SOX6: variants seen among roughly 807,000 people sequenced by gnomAD.
SOX6 encodes the protein transcription factor SOX-6.
A neutral mutation model predicts 97.8 loss-of-function variants in SOX6; 11 were observed. The observed-to-expected ratio is 0.11, with a 90% CI of 0.07 to 0.19. The LOEUF (loss-of-function observed/expected upper bound fraction) is 0.19. SOX6 is among the 10% of genes least tolerant of loss of function. The pLI is 1.00. For missense variants in SOX6, 810 were observed against 1,039.5 expected, an observed-to-expected ratio of 0.78 and a Z score of 3.04; for synonymous variants, 360 against 371.4, an observed-to-expected ratio of 0.97 and a Z score of 0.35.
chr11:16,018,401 AGAGAGAATGAATTTGGGGT>A (rs2133866944), intron 12 of SOX6, among the ~76,000 whole-genome samples: 1 of 152,150 alleles, frequency 6.6e-6, no homozygotes, highest in Admixed American at 6.6e-5. Context: ...ATGGGTGGAG[AGAGAGAATGAATTTGGGGT>A]AACTAAAAGA....
chr11:16,464,076 T>G (rs1371947896), intron 1 of SOX6, among the ~76,000 whole-genome samples: 1 of 152,136 alleles, frequency 6.6e-6, no homozygotes, highest in African/African-American at 2.4e-5. Flanking sequence ...TTCTAAAAAA[T>G]TTAAAATTCT....
chr11:16,649,976 G>A (rs1847623048), intron 3 of SOX6, among the ~76,000 whole-genome samples: 1 of 152,106 alleles, frequency 6.6e-6, no homozygotes, highest in South Asian at 2.1e-4. Flanking sequence ...AAGTGAGCAA[G>A]AGTAGCTACT....
At chr11:16,141,111 CA>C (rs763775070) in intron 6 of SOX6, among the ~76,000 whole-genome samples, 3,479 of 127,494 alleles carry the variant, frequency 0.027, 102 homozygotes, top group African/African-American at 0.082. Context: ...GACTTCACCT[CA>C]AAAAAAAAAA....
intron 4 of SOX6, among the ~76,000 whole-genome samples, chr11:16,188,130 G>A (rs1053566072): frequency 6.6e-6 from 1 of 150,896 alleles, no homozygotes; most frequent in African/African-American, 2.4e-5. Context: ...ATGCAGGCTA[G>A]CACTTGTTAG....
intron 6 of SOX6, among the ~76,000 whole-genome samples, chr11:16,123,671 G>A (rs749861275): frequency 9.2e-5 from 14 of 151,876 alleles, no homozygotes; most frequent in Non-Finnish European, 1.6e-4. Flanking sequence ...CTCCCAGCAT[G>A]TGCATTACAC....
intron 1 of SOX6, among the ~76,000 whole-genome samples, chr11:16,368,251 T>C (rs565389318): frequency 1.3e-5 from 2 of 152,248 alleles, no homozygotes; most frequent in East Asian, 3.9e-4. Context: ...AATATCTAGA[T>C]TTATTAAAAT....
chr11:16,527,634 G>A (rs1408730736), intron 4 of SOX6, among the ~76,000 whole-genome samples: 1 of 152,140 alleles, frequency 6.6e-6, no homozygotes, highest in East Asian at 1.9e-4. Context: ...CAGAATATGA[G>A]AAGATGTAAC....
At chr11:16,665,463 G>A (rs1337574218) in intron 3 of SOX6, among the ~76,000 whole-genome samples, 1 of 152,182 alleles carries the variant, frequency 6.6e-6, no homozygotes, top group African/African-American at 2.4e-5. Flanking sequence ...TGTGGACTAA[G>A]GGGGGAAAAC....
intron 3 of SOX6, among the ~76,000 whole-genome samples, chr11:16,245,097 A>G (rs1331610751): frequency 6.6e-6 from 1 of 151,834 alleles, no homozygotes; most frequent in Non-Finnish European, 1.5e-5. Flanking sequence ...TCTAAGTATT[A>G]CTTTAGCTGC....
chr11:16,167,399 T>A (rs1234172265), intron 6 of SOX6, among the ~76,000 whole-genome samples: 1 of 152,116 alleles, frequency 6.6e-6, no homozygotes, highest in Non-Finnish European at 1.5e-5. Flanking sequence ...GTCTCCCTCC[T>A]TCTACCCTTC....
At chr11:16,146,796 C>T (rs1394273712) in intron 6 of SOX6, among the ~76,000 whole-genome samples, 3 of 152,156 alleles carry the variant, frequency 2.0e-5, no homozygotes, top group Non-Finnish European at 4.4e-5. Context: ...ATCAAAGCCA[C>T]AGTGAGATAC....
intron 4 of SOX6, among the ~76,000 whole-genome samples, chr11:16,232,601 G>A (rs897093775): frequency 6.6e-6 from 1 of 151,900 alleles, no homozygotes; most frequent in Non-Finnish European, 1.5e-5. Context: ...AGACGGAAAG[G>A]GGGGGAGAAA....
intron 1 of SOX6, among the ~76,000 whole-genome samples, chr11:16,442,425 AAC>A (rs1859521165): frequency 6.6e-6 from 1 of 152,212 alleles, no homozygotes; most frequent in Non-Finnish European, 1.5e-5. Context: ...TATCACAAGT[AAC>A]ACAGAAATGA....
chr11:16,131,615 T>C (rs1281549587), intron 6 of SOX6, among the ~76,000 whole-genome samples: 1 of 151,622 alleles, frequency 6.6e-6, no homozygotes, highest in African/African-American at 2.4e-5. Context: ...AATGAAAACA[T>C]ATGTCTGCAT....
At chr11:16,214,923 T>C (rs1371853108) in intron 4 of SOX6, among the ~76,000 whole-genome samples, 1 of 151,998 alleles carries the variant, frequency 6.6e-6, no homozygotes, top group African/African-American at 2.4e-5. Context: ...CTAATTTTTG[T>C]ATTTTTAGTA....
chr11:16,466,160 G>T (rs1314373192), intron 1 of SOX6, among the ~76,000 whole-genome samples: 1 of 152,190 alleles, frequency 6.6e-6, no homozygotes, highest in East Asian at 1.9e-4. Context: ...TACTCAGAGA[G>T]AGAATACACA....
chr11:16,146,865 G>A (rs1186673783), intron 6 of SOX6, among the ~76,000 whole-genome samples: 1 of 152,188 alleles, frequency 6.6e-6, no homozygotes, highest in Non-Finnish European at 1.5e-5. Flanking sequence ...AGGTGCTAGA[G>A]AGGATGTGGA....
At chr11:16,424,588 A>T (rs1859088159) in intron 1 of SOX6, among the ~76,000 whole-genome samples, 1 of 152,226 alleles carries the variant, frequency 6.6e-6, no homozygotes, top group Admixed American at 6.5e-5. Flanking sequence ...GAGATGGAAC[A>T]TTTCTTCCTC....
chr11:16,177,380 T>C (rs1032735496), intron 6 of SOX6, among the ~76,000 whole-genome samples: 1 of 151,996 alleles, frequency 6.6e-6, no homozygotes, highest in African/African-American at 2.4e-5. Flanking sequence ...ATTAGAGAAC[T>C]ATCTTCATAA....
Sources: allele counts gnomAD v4.1 joint callset (sites outside exome capture counted in the v4.1 genomes callset), GRCh38; gene constraint gnomAD v4.1.1; transcripts MANE v1.5; gene names NCBI Gene and HGNC (gene_info 2026-07-23, HGNC 2026-07-21).